Variants in C9orf43 observed in about 807,000 individuals in gnomAD.
C9orf43 encodes the protein uncharacterized protein C9orf43.
In C9orf43, 45 loss-of-function variants were observed where a neutral mutation model predicts 59.1. The ratio of observed to expected loss-of-function variants is 0.76; its 90% CI spans 0.60 to 0.98. The LOEUF (loss-of-function observed/expected upper bound fraction) is 0.98, where lower values mean the gene tolerates loss of function less well. C9orf43 is among the 50% of genes least tolerant of loss of function. C9orf43 has a pLI of 0.00. For missense variants in C9orf43, 533 were observed against 554.9 expected, an observed-to-expected ratio of 0.96 and a Z score of 0.40; for synonymous variants, 203 against 196.8, an observed-to-expected ratio of 1.03 and a Z score of -0.26.
chr9:113,428,459 A>C (rs140536764), intron 12 of C9orf43, among the ~76,000 whole-genome samples: 4 of 152,264 alleles, frequency 2.6e-5, no homozygotes, highest in Admixed American at 2.0e-4. Context: ...TTTTGATAGC[A>C]TAGTAGTCTC....
chr9:113,416,064 G>A (rs2119063770), intron 3 of C9orf43, among the ~76,000 whole-genome samples: 1 of 152,292 alleles, frequency 6.6e-6, no homozygotes, highest in East Asian at 1.9e-4. Context: ...GCCTCCTCTA[G>A]TCATTTCCCT....
chr9:113,424,991 C>G, intron 8 of C9orf43, 28 bp from the exon 9 acceptor site: 1 of 1,598,476 alleles, frequency 6.3e-7, no homozygotes, highest in South Asian at 1.1e-5. Context: ...TGCAGTAGAG[C>G]TTTTCTTTTT....
chr9:113,420,881 C>T (rs894974864), intron 4 of C9orf43: 16 of 666,016 alleles, frequency 2.4e-5, no homozygotes, highest in Non-Finnish European at 3.0e-5. Context: ...CACAGGGAAG[C>T]AGGGGAGATT....
At chr9:113,419,060 C>T (rs747917762) in intron 3 of C9orf43, 48 bp from the exon 4 acceptor site, 2 of 1,467,174 alleles carry the variant, frequency 1.4e-6, no homozygotes, top group East Asian at 4.6e-5. Flanking sequence ...GTTATCATTC[C>T]AATAAGTCTT....
chr9:113,425,321 C>G, intron 9 of C9orf43, 23 bp from the exon 10 acceptor site: 3 of 1,613,522 alleles, frequency 1.9e-6, no homozygotes, highest in Admixed American at 1.7e-5. Context: ...AGAAGAGGAT[C>G]AAGCTGGCTC....
chr9:113,418,994 G>C (rs1263130250), intron 3 of C9orf43, 114 bp from the exon 4 acceptor site: 1 of 790,060 alleles, frequency 1.3e-6, no homozygotes, highest in Non-Finnish European at 2.0e-6. Flanking sequence ...CATTTGGTAA[G>C]CATTAAGCCC....
chr9:113,412,162 C>T (rs1009716975), intron 1 of C9orf43, among the ~76,000 whole-genome samples: 4 of 152,170 alleles, frequency 2.6e-5, no homozygotes, highest in African/African-American at 4.8e-5. Context: ...GGGGGAACTC[C>T]GCTTGGATAG....
intron 12 of C9orf43, among the ~76,000 whole-genome samples, chr9:113,428,680 G>T (rs532003248): frequency 1.4e-4 from 21 of 152,292 alleles, no homozygotes; most frequent in African/African-American, 5.1e-4. Context: ...GAGGCCGTCT[G>T]CCCTTAGTTG....
At chr9:113,420,887 A>G (rs1828536381) in intron 4 of C9orf43, 1 of 611,992 alleles carries the variant, frequency 1.6e-6, no homozygotes, top group African/African-American at 2.0e-5. Flanking sequence ...GAAGCAGGGG[A>G]GATTATCTGC....
chr9:113,421,209 T>C lies in C9orf43; in HGVS notation c.446+6T>C. On this transcript the variant is annotated splice_donor_region_variant and intron_variant, in intron 5 of 13. Transcript: ENST00000374165. ...GAAACAGAGATACATGTGAGGTGAG[T>C]ATCATATCTGGAACTCAGAGGACTT... is the stretch of plus-strand genomic sequence containing the variant. The C allele has an allele frequency of 6.4e-7, 1 of 1,574,584 alleles. No homozygotes were observed. Among genetic ancestry groups the C allele is most frequent in the Non-Finnish European group, 8.7e-7 (1 of 1,144,486 alleles).
Position 113,421,206 on chromosome 9 carries a change from G to A in C9orf43, c.446+3G>A. The stretch of plus-strand genomic sequence containing the variant: ...GAAGAAACAGAGATACATGTGAGGT[G>A]AGTATCATATCTGGAACTCAGAGGA... On this transcript the variant is annotated splice_donor_region_variant and intron_variant, in intron 5 of 13. Transcript: ENST00000374165. 6.3e-7 allele frequency: 1 copy of A among 1,594,472 alleles called. No individual in the cohort carries two copies. Among genetic ancestry groups the A allele is most frequent in the Non-Finnish European group, 8.6e-7 (1 of 1,162,534 alleles).
At position 113,423,423 on chromosome 9, in the gene C9orf43, T is replaced by C. The variant is rs141550105; in HGVS notation, c.581T>C (p.Leu194Ser). 1.2e-3 allele frequency: 1,954 copies of C among 1,614,018 alleles called. 3 individuals carry two copies. The highest frequency in any genetic ancestry group is 1.4e-3 in the Non-Finnish European group (1,658 of 1,179,952). Reference sequence around the variant, plus strand: ...GTGCCTCCCCCAACCCCAGTGCAATTGTCTGAACAATTCAGTTCAGATTTC... The same window carrying C: ...GTGCCTCCCCCAACCCCAGTGCAATCGTCTGAACAATTCAGTTCAGATTTC... ...MIVPPPTPVQ[L>S]SEQFSSDFLP... The change falls in exon 7 of 14, where the codon TTG (leucine) becomes TCG (serine). Residue 194 changes from leucine (L) to serine (S), a missense_variant. Transcript: ENST00000374165.
At chr9:113,422,642 G>A in intron 6 of C9orf43, 57 bp downstream of exon 6, 1 of 1,597,784 alleles carries the variant, frequency 6.3e-7, no homozygotes, top group Non-Finnish European at 8.5e-7. Context: ...AGTTTATTTT[G>A]TTTTCCTTTC....
intron 3 of C9orf43, among the ~76,000 whole-genome samples, chr9:113,418,097 AT>A (rs1828438622): frequency 2.6e-5 from 4 of 152,350 alleles, no homozygotes; most frequent in Non-Finnish European, 5.9e-5. Flanking sequence ...CATTTTAGCC[AT>A]TTTTAAGCAT....
At chr9:113,428,062 T>G (rs1828855598) in intron 11 of C9orf43, 85 bp from the exon 12 acceptor site, 5 of 1,339,606 alleles carry the variant, frequency 3.7e-6, no homozygotes, top group Non-Finnish European at 5.4e-6. Context: ...CAGAGTCACT[T>G]GTAGACTAGG....
intron 4 of C9orf43, 23 bp from the exon 5 acceptor site, chr9:113,421,080 T>C: frequency 6.4e-7 from 1 of 1,572,846 alleles, no homozygotes; most frequent in South Asian, 1.1e-5. Flanking sequence ...AAGCCATACA[T>C]AGGCTTTATA....
At position 113,428,222 on chromosome 9, in the gene C9orf43, A is replaced by T; in HGVS notation, c.1106A>T (p.Gln369Leu). The change falls in exon 12 of 14, where the codon CAG (glutamine) becomes CTG (leucine). Residue 369 changes from glutamine to leucine, a missense_variant and splice_region_variant. Coordinates refer to ENST00000374165, the MANE Select transcript of C9orf43 (RefSeq NM_001278629.2). The part of the protein sequence containing the change: ...QQMEKGTTSK[Q>L]DSTERPKMNY... The stretch of plus-strand genomic sequence containing the variant: ...ATGGAAAAAGGAACCACTTCGAAAC[A>T]GGTGAGAGTGTACCAAGGCCTCTGC... 6.2e-7 allele frequency: 1 copy of T among 1,614,116 alleles called. No homozygotes were observed. Among genetic ancestry groups the T allele is most frequent in the South Asian group, 1.1e-5 (1 of 91,080 alleles).
At chr9:113,417,106 C>T (rs942248451) in intron 3 of C9orf43, among the ~76,000 whole-genome samples, 12 of 152,188 alleles carry the variant, frequency 7.9e-5, no homozygotes, top group Admixed American at 7.2e-4. Context: ...GAATGTCAGT[C>T]CCTACAAGAG....
chr9:113,429,023 G>C (rs977223771), intron 13 of C9orf43, 60 bp downstream of exon 13: 36 of 1,538,172 alleles, frequency 2.3e-5, no homozygotes, highest in Non-Finnish European at 3.2e-5. Context: ...AGTTGAACCT[G>C]TGTTGACCAG....
Sources: allele counts gnomAD v4.1 joint callset (sites outside exome capture counted in the v4.1 genomes callset), GRCh38; gene constraint gnomAD v4.1.1; transcripts MANE v1.5; gene names NCBI Gene and HGNC (gene_info 2026-07-23, HGNC 2026-07-21).